The following NBAS variants were observed in gnomAD, a reference collection of about 807,000 sequenced individuals.
NBAS encodes NAG/BC035112 fusion.
A neutral mutation model predicts 302.5 loss-of-function variants in NBAS; 219 were observed. The observed-to-expected ratio is 0.72, with a 90% CI of 0.65 to 0.81. The LOEUF (loss-of-function observed/expected upper bound fraction) is 0.81. Ranked by LOEUF, NBAS falls within the 30% of genes least tolerant of loss-of-function variation. The pLI is 0.00. For missense variants in NBAS, 2,932 were observed against 2,841.6 expected (o/e 1.03, Z -0.72); for synonymous variants, 1,118 against 1,021.6 (o/e 1.09, Z -1.80).
chr2:15,421,631 C>G (rs1322847627), intron 23 of NBAS, among the ~76,000 whole-genome samples: 1 of 148,534 alleles, frequency 6.7e-6, no homozygotes, highest in East Asian at 2.0e-4. Context: ...AAAAAAAAAG[C>G]CTCTAAGTGT....
the NBAS span, among the ~76,000 whole-genome samples, chr2:14,818,164 A>G: frequency 2.0e-5 from 3 of 152,100 alleles, no homozygotes; most frequent in East Asian, 5.8e-4. Flanking sequence ...CACCAGCACC[A>G]TGGAACCATG....
the NBAS span, among the ~76,000 whole-genome samples, chr2:14,997,040 C>A: frequency 1.3e-5 from 2 of 152,122 alleles, no homozygotes; most frequent in South Asian, 2.1e-4. Flanking sequence ...CAATTTTATG[C>A]TTTTCTTTTA....
intron 40 of NBAS, among the ~76,000 whole-genome samples, chr2:15,293,661 AGAATCT>A (rs1670420795): frequency 1.3e-5 from 2 of 151,742 alleles, no homozygotes; most frequent in African/African-American, 4.8e-5. Context: ...GAAAAAAAAA[AGAATCT>A]ACCTTTGGTT....
intron 25 of NBAS, among the ~76,000 whole-genome samples, chr2:15,415,210 G>A (rs78567158): frequency 0.027 from 4,156 of 152,232 alleles, 154 homozygotes; most frequent in African/African-American, 0.084. Context: ...AAGTATCTAT[G>A]CCATAGGATT....
intron 29 of NBAS, among the ~76,000 whole-genome samples, chr2:15,380,361 T>C (rs1674972262): frequency 6.6e-6 from 1 of 152,190 alleles, no homozygotes; most frequent in Admixed American, 6.5e-5. Flanking sequence ...ATTAAAGGCA[T>C]GAGCCACTGC....
At chr2:15,481,816 G>A (rs1002040341) in intron 12 of NBAS, among the ~76,000 whole-genome samples, 3 of 152,162 alleles carry the variant, frequency 2.0e-5, no homozygotes, top group Non-Finnish European at 4.4e-5. Flanking sequence ...CCCAAAGCAA[G>A]TCACAGAAAC....
intron 40 of NBAS, among the ~76,000 whole-genome samples, chr2:15,296,404 T>C (rs767527644): frequency 6.6e-6 from 1 of 152,032 alleles, no homozygotes; most frequent in Non-Finnish European, 1.5e-5. Flanking sequence ...TAGCCGGGTG[T>C]GGTGGCACTC....
the NBAS span, among the ~76,000 whole-genome samples, chr2:14,966,972 C>T: frequency 1.3e-5 from 2 of 152,028 alleles, no homozygotes; most frequent in African/African-American, 4.8e-5. Context: ...GATCAATATA[C>T]AAAAATCTAT....
intron 44 of NBAS, among the ~76,000 whole-genome samples, chr2:15,266,715 G>A (rs908589738): frequency 6.6e-6 from 1 of 152,044 alleles, no homozygotes; most frequent in Non-Finnish European, 1.5e-5. Flanking sequence ...TCTTAATATT[G>A]TAGGGTCCTA....
rs556340573 is a variant in NBAS at position 15,407,151 on chromosome 2, T to C, written c.2938-4850A>G. Among the ~76,000 whole-genome samples the C allele has an allele frequency of 5.3e-4, 80 of 152,304 alleles. 1 individual carries two copies. Among genetic ancestry groups the C allele is most frequent in the African/African-American group, 1.8e-3 (76 of 41,566 alleles). On this transcript the variant is annotated intron_variant, in intron 25 of 51. Transcript: ENST00000281513. ...TGTATCCCAACACATGGAAAGCTAG[T>C]GAGACTAAGTAAGTTTTTAAAATTT...
At chr2:15,304,099 C>A (rs747338357) in intron 40 of NBAS, among the ~76,000 whole-genome samples, 2 of 152,164 alleles carry the variant, frequency 1.3e-5, no homozygotes, top group Admixed American at 1.3e-4. Context: ...CCCACCCAAA[C>A]CTCATCTTGA....
chr2:15,346,315 AAAAC>A (rs1404829134), intron 35 of NBAS, among the ~76,000 whole-genome samples: 2 of 151,996 alleles, frequency 1.3e-5, no homozygotes, highest in Non-Finnish European at 2.9e-5. Context: ...TACAACAAAA[AAAAC>A]AACCCCATCA....
At chr2:15,454,861 G>A (rs565572923) in intron 21 of NBAS, among the ~76,000 whole-genome samples, 22 of 151,766 alleles carry the variant, frequency 1.4e-4, no homozygotes, top group African/African-American at 3.1e-4. Flanking sequence ...CCATATTTTA[G>A]TATGTAAGTA....
In NBAS at chr2:15,309,211, T is replaced by C. The variant is rs749923598; in HGVS notation, c.4619A>G (p.Asp1540Gly). The change falls in exon 39 of 52, where the codon GAC becomes GGC. Residue 1540 changes from aspartate (D) to glycine (G), a missense_variant. Asp to Gly is a moderately conservative substitution (Grantham distance 94, BLOSUM62 -1). Transcript: ENST00000281513. ...LQLASEALPN[D>G]MTLALAYLLA... ...AAGGTAAGCAAGAGCCAAGGTCATG[T>C]CATTTGGCAAGGCTTCACTTGCTAG... The C allele has an allele frequency of 6.2e-7, 1 of 1,612,802 alleles. No homozygotes were observed. Among genetic ancestry groups the C allele is most frequent in the Admixed American group, 1.7e-5 (1 of 59,986 alleles).
the NBAS span, among the ~76,000 whole-genome samples, chr2:15,113,783 T>C: frequency 0.028 from 4,211 of 151,964 alleles, 149 homozygotes; most frequent in Admixed American, 0.092. Flanking sequence ...TAAAACAAAC[T>C]GCACCTCCAG....
At chr2:14,896,817 A>C in the NBAS span, among the ~76,000 whole-genome samples, 1 of 152,220 alleles carries the variant, frequency 6.6e-6, no homozygotes, top group African/African-American at 2.4e-5. Flanking sequence ...ACTATTGTTC[A>C]TTTACCATAA....
chr2:15,543,839 C>CA (rs1663972854), intron 6 of NBAS, among the ~76,000 whole-genome samples: 1 of 152,154 alleles, frequency 6.6e-6, no homozygotes, highest in Non-Finnish European at 1.5e-5. Flanking sequence ...TATCATTTGT[C>CA]AGACATTTTA....
chr2:15,450,404 A>G (rs1212880577), intron 21 of NBAS, among the ~76,000 whole-genome samples: 1 of 152,190 alleles, frequency 6.6e-6, no homozygotes, highest in Non-Finnish European at 1.5e-5. Flanking sequence ...TTCAAGGTCT[A>G]GATCCAAATC....
chr2:15,040,199 CAT>C, the NBAS span, among the ~76,000 whole-genome samples: 1 of 152,148 alleles, frequency 6.6e-6, no homozygotes, highest in East Asian at 1.9e-4. Context: ...GCTGCAGAGT[CAT>C]AGTCATTGTG....
Sources: gnomAD v4.1 joint callset for allele counts (sites outside exome capture counted in the v4.1 genomes callset) on GRCh38, gnomAD v4.1.1 for gene constraint, MANE v1.5 for transcripts, NCBI Gene and HGNC (gene_info 2026-07-23, HGNC 2026-07-21) for gene names.